The following MSRA variants were observed in gnomAD, a reference collection of about 807,000 sequenced individuals.
The protein encoded by MSRA is methionine sulfoxide reductase A.
In MSRA, 54 loss-of-function variants were observed where a neutral mutation model predicts 31.3. That is an observed-to-expected ratio of 1.73 (90% CI 1.39 to 2.17). MSRA has a LOEUF of 2.17. MSRA is among the 30% of genes most tolerant of loss of function. The pLI, the probability that MSRA is intolerant of heterozygous loss-of-function variation, is 0.00. For synonymous variants in MSRA, 169 were observed against 116.5 expected, an observed-to-expected ratio of 1.45 and a Z score of -2.90; for missense variants, 507 against 300.9, an observed-to-expected ratio of 1.69 and a Z score of -5.07.
At chr8:10,296,907 G>A (rs189645721) in intron 3 of MSRA, among the ~76,000 whole-genome samples, 43 of 152,264 alleles carry the variant, frequency 2.8e-4, no homozygotes, top group African/African-American at 5.3e-4. Flanking sequence ...CAGCTCACCG[G>A]CTCTCTCTTC....
At chr8:10,401,708 C>T (rs886467663) in intron 5 of MSRA, among the ~76,000 whole-genome samples, 7 of 152,204 alleles carry the variant, frequency 4.6e-5, no homozygotes, top group South Asian at 2.1e-4. Flanking sequence ...CTTATAGATA[C>T]GCAATGGACT....
chr8:10,145,609 A>G (rs1477970805), intron 1 of MSRA, among the ~76,000 whole-genome samples: 2 of 152,210 alleles, frequency 1.3e-5, no homozygotes, highest in Non-Finnish European at 2.9e-5. Flanking sequence ...ATACATTCTG[A>G]TGATGTGACC....
chr8:10,320,038 G>A (rs758806454), intron 5 of MSRA, 49 bp downstream of exon 5: 5 of 1,263,946 alleles, frequency 4.0e-6, no homozygotes, highest in Non-Finnish European at 5.6e-6. Flanking sequence ...CCATGACTAG[G>A]GCCAGGTTCT....
chr8:10,285,741 G>A (rs561962348), intron 3 of MSRA, among the ~76,000 whole-genome samples: 45 of 152,032 alleles, frequency 3.0e-4, no homozygotes, highest in African/African-American at 1.1e-3. Context: ...AGAACATGCG[G>A]TATTTATCTT....
chr8:10,342,849 G>C (rs189825506), intron 5 of MSRA, among the ~76,000 whole-genome samples: 1 of 152,358 alleles, frequency 6.6e-6, no homozygotes, highest in Admixed American at 6.5e-5. Flanking sequence ...AGACAGCTTG[G>C]TTCCAATCCC....
intron 1 of MSRA, among the ~76,000 whole-genome samples, chr8:10,055,000 G>C (rs747571443): frequency 6.6e-6 from 1 of 152,232 alleles, no homozygotes; most frequent in Non-Finnish European, 1.5e-5. Flanking sequence ...GCTCGCGGGC[G>C]CCCGCGGCGC....
intron 3 of MSRA, among the ~76,000 whole-genome samples, chr8:10,283,137 C>CAA (rs1447252462): frequency 2.1e-5 from 3 of 139,706 alleles, no homozygotes; most frequent in Non-Finnish European, 4.7e-5. Context: ...ATTACACACA[C>CAA]ACACACACAC....
At chr8:10,327,872 G>A (rs1403520766) in intron 5 of MSRA, among the ~76,000 whole-genome samples, 1 of 152,046 alleles carries the variant, frequency 6.6e-6, no homozygotes, top group Admixed American at 6.5e-5. Context: ...GGCGGAGCTT[G>A]CAGTGAGCTG....
At chr8:10,302,845 G>A (rs1800921318) in intron 4 of MSRA, among the ~76,000 whole-genome samples, 1 of 152,210 alleles carries the variant, frequency 6.6e-6, no homozygotes, top group Non-Finnish European at 1.5e-5. Flanking sequence ...GTATGGGGCA[G>A]GGTAGGGAAA....
chr8:10,128,032 G>A (rs1014308420), intron 1 of MSRA, among the ~76,000 whole-genome samples: 3 of 152,004 alleles, frequency 2.0e-5, no homozygotes, highest in African/African-American at 4.8e-5. Context: ...GGAGAACTGC[G>A]GATCTTGTGC....
intron 1 of MSRA, among the ~76,000 whole-genome samples, chr8:10,168,015 A>G (rs1805291246): frequency 6.6e-6 from 1 of 152,148 alleles, no homozygotes; most frequent in Admixed American, 6.5e-5. Context: ...GATCTTTATG[A>G]GGCAGTAGGG....
intron 3 of MSRA, among the ~76,000 whole-genome samples, chr8:10,275,824 A>G (rs150570258): frequency 3.8e-4 from 58 of 152,330 alleles, no homozygotes; most frequent in African/African-American, 1.3e-3. Context: ...CCTCAACATC[A>G]CACAGACAAA....
chr8:10,239,362 A>C (rs1444149479), intron 2 of MSRA, among the ~76,000 whole-genome samples: 1 of 152,194 alleles, frequency 6.6e-6, no homozygotes, highest in Non-Finnish European at 1.5e-5. Context: ...GGGTTTCACC[A>C]TATTGGCCAG....
chr8:10,062,395 A>C (rs1289100021), intron 1 of MSRA, among the ~76,000 whole-genome samples: 1 of 152,190 alleles, frequency 6.6e-6, no homozygotes, highest in Admixed American at 6.5e-5. Flanking sequence ...TCTTCCTCAC[A>C]TCATAAACTC....
At chr8:10,149,993 A>G (rs1342648413) in intron 1 of MSRA, among the ~76,000 whole-genome samples, 1 of 97,772 alleles carries the variant, frequency 1.0e-5, no homozygotes, top group Non-Finnish European at 2.1e-5. Flanking sequence ...TAGTTAAACC[A>G]CCAAGGGAGG....
chr8:10,101,385 G>T (rs1799517944), intron 1 of MSRA, among the ~76,000 whole-genome samples: 1 of 152,006 alleles, frequency 6.6e-6, no homozygotes, highest in Non-Finnish European at 1.5e-5. Flanking sequence ...GATAAAATAT[G>T]CATAACATAT....
chr8:10,114,962 A>G (rs1402128485), intron 1 of MSRA, among the ~76,000 whole-genome samples: 1 of 152,236 alleles, frequency 6.6e-6, no homozygotes, highest in African/African-American at 2.4e-5. Context: ...AATAACAATG[A>G]TAGGGACTTA....
At chr8:10,392,322 C>T (rs985664511) in intron 5 of MSRA, among the ~76,000 whole-genome samples, 2 of 152,158 alleles carry the variant, frequency 1.3e-5, no homozygotes, top group African/African-American at 2.4e-5. Flanking sequence ...CAGCTTGGAT[C>T]GTGATGGCTA....
At chr8:10,263,033 C>G (rs1029875607) in intron 3 of MSRA, among the ~76,000 whole-genome samples, 1 of 152,214 alleles carries the variant, frequency 6.6e-6, no homozygotes, top group African/African-American at 2.4e-5. Context: ...CACATGGGTG[C>G]TGATTGTCTT....
Sources: gnomAD v4.1 joint callset for allele counts (sites outside exome capture counted in the v4.1 genomes callset) on GRCh38, gnomAD v4.1.1 for gene constraint, MANE v1.5 for transcripts, NCBI Gene and HGNC (gene_info 2026-07-23, HGNC 2026-07-21) for gene names.